RFX3: variants seen among roughly 807,000 people sequenced by gnomAD.
RFX3 encodes the protein transcription factor RFX3.
A neutral mutation model predicts 98.6 loss-of-function variants in RFX3; 14 were observed. That is an observed-to-expected ratio of 0.14 (90% CI 0.09 to 0.22). RFX3 has a LOEUF of 0.22. Ranked by LOEUF, RFX3 falls within the 10% of genes least tolerant of loss-of-function variation. The pLI is 1.00. For synonymous variants in RFX3, 383 were observed against 328.4 expected (o/e 1.17, Z -1.80); for missense variants, 639 against 926.9 (o/e 0.69, Z 4.03).
rs1358363981 is a variant in RFX3, at chr9:3,288,177, T to C, written c.805A>G (p.Met269Val). The part of the protein sequence containing the change: ...DSPLNRLQED[M>V]QYMAMRQQPM... ...TGTTGTCTCATAGCCATATACTGCA[T>C]GTCTTCTTGCAGACGATTAAGAGGG... The change falls in exon 7 of 17, where the codon ATG becomes GTG. Residue 269 changes from methionine to valine, a missense_variant. Physicochemically the swap from Met to Val is conservative, Grantham distance 21. This residue lies in a region of RFX3 where 86 missense variants were observed against 113.2 expected (regional missense o/e 0.76). Coordinates refer to ENST00000617270, the MANE Select transcript of RFX3 (RefSeq NM_001282116.2). 6 of 1,612,264 alleles carry C rather than the reference T, an allele frequency of 3.7e-6. No individual in the cohort carries two copies. The highest frequency in any genetic ancestry group is 2.5e-6 in the Non-Finnish European group (3 of 1,178,458).
intron 1 of RFX3, among the ~76,000 whole-genome samples, chr9:3,450,115 G>A (rs1846441696): frequency 6.6e-6 from 1 of 152,108 alleles, no homozygotes; most frequent in Admixed American, 6.5e-5. Context: ...GTATTTGCCT[G>A]GCAAGGCAGA....
chr9:3,227,866 G>A (rs1817969126), intron 16 of RFX3, among the ~76,000 whole-genome samples: 1 of 152,140 alleles, frequency 6.6e-6, no homozygotes, highest in South Asian at 2.1e-4. Context: ...AGTGTACTGA[G>A]TACCTTAATA....
chr9:3,252,584 T>A (rs912423571), intron 14 of RFX3, among the ~76,000 whole-genome samples: 1 of 151,938 alleles, frequency 6.6e-6, no homozygotes, highest in African/African-American at 2.4e-5. Flanking sequence ...TTTCAAAGAG[T>A]AGCCAGGAGG....
At position 3,271,007 on chromosome 9, in the gene RFX3, A is replaced by G. The variant is rs771902440; in HGVS notation, c.1198T>C (p.Ser400Pro). 1.2e-6 allele frequency: 2 copies of G among 1,613,776 alleles called. No homozygotes were observed. The part of the protein sequence containing the change: ...TPTDGTTITE[S>P]SNLSEIESRL... ...GGAAAAGATGTTGATTCTGACCTCG[A>G]TTCGGTAATGGTAGTGCCATCAGTT... Residue 400 changes from serine (S) to proline (P), a missense_variant, in exon 10 of 17, where the codon TCG becomes CCG. By Grantham distance (74) the Ser-to-Pro change is moderately conservative. Transcript: ENST00000617270.
chr9:3,397,120 CA>C (rs1274700860), intron 1 of RFX3, among the ~76,000 whole-genome samples: 1 of 152,188 alleles, frequency 6.6e-6, no homozygotes. Context: ...CTCTCATTCA[CA>C]ATTAAACATG....
intron 3 of RFX3, among the ~76,000 whole-genome samples, chr9:3,332,427 T>C (rs1832701250): frequency 6.6e-6 from 1 of 152,186 alleles, no homozygotes. Flanking sequence ...GATGTCACTA[T>C]CTTATGTTGC....
At chr9:3,340,978 A>C (rs1020645734) in intron 3 of RFX3, among the ~76,000 whole-genome samples, 7 of 152,216 alleles carry the variant, frequency 4.6e-5, no homozygotes, top group African/African-American at 1.4e-4. Context: ...GGCACTATTC[A>C]CAATAGCAAA....
chr9:3,413,258 T>A (rs750828432), intron 1 of RFX3, among the ~76,000 whole-genome samples: 1 of 152,092 alleles, frequency 6.6e-6, no homozygotes, highest in Non-Finnish European at 1.5e-5. Flanking sequence ...CTGTAATGTA[T>A]ACCAAGTAGA....
chr9:3,465,254 G>A, intron 1 of RFX3, among the ~76,000 whole-genome samples: 1 of 151,716 alleles, frequency 6.6e-6, no homozygotes, highest in East Asian at 1.9e-4. Context: ...AATATCTCGT[G>A]GCAAATATAA....
At chr9:3,398,167 G>A (rs1035955045) in intron 1 of RFX3, among the ~76,000 whole-genome samples, 1 of 152,064 alleles carries the variant, frequency 6.6e-6, no homozygotes, top group Non-Finnish European at 1.5e-5. Flanking sequence ...CCAGCATTAA[G>A]ACCACAGAAA....
chr9:3,273,637 G>A (rs1166305493), intron 9 of RFX3, among the ~76,000 whole-genome samples: 1 of 152,110 alleles, frequency 6.6e-6, no homozygotes, highest in Non-Finnish European at 1.5e-5. Context: ...GCTGAAGCGG[G>A]TGGATCACTT....
intron 4 of RFX3, among the ~76,000 whole-genome samples, chr9:3,321,863 G>C (rs892011367): frequency 2.0e-5 from 3 of 151,946 alleles, no homozygotes; most frequent in African/African-American, 7.3e-5. Context: ...TAAATATTCA[G>C]TTGTTCCAAA....
chr9:3,376,169 A>C (rs1437464242), intron 2 of RFX3, among the ~76,000 whole-genome samples: 1 of 152,220 alleles, frequency 6.6e-6, no homozygotes, highest in African/African-American at 2.4e-5. Flanking sequence ...GGCTAAAATT[A>C]AAAATATTGG....
chr9:3,400,616 T>C (rs1219082304), intron 1 of RFX3, among the ~76,000 whole-genome samples: 1 of 152,226 alleles, frequency 6.6e-6, no homozygotes, highest in Non-Finnish European at 1.5e-5. Context: ...TTTCCTCTGA[T>C]TTTACTATCT....
At chr9:3,374,086 A>G (rs1033135326) in intron 2 of RFX3, among the ~76,000 whole-genome samples, 6 of 139,138 alleles carry the variant, frequency 4.3e-5, no homozygotes, top group South Asian at 2.2e-4. Flanking sequence ...TCACACACAC[A>G]CGCGCGCACA....
At chr9:3,433,414 T>G (rs796323408) in intron 1 of RFX3, among the ~76,000 whole-genome samples, 3 of 152,318 alleles carry the variant, frequency 2.0e-5, no homozygotes, top group African/African-American at 7.2e-5. Context: ...ACGATTTTCT[T>G]GGTAGCATTT....
chr9:3,351,193 C>T (rs1390510779), intron 2 of RFX3, among the ~76,000 whole-genome samples: 3 of 150,940 alleles, frequency 2.0e-5, no homozygotes, highest in South Asian at 2.1e-4. Context: ...ATGTGTGAAG[C>T]GAGGGGTTTT....
chr9:3,306,404 G>T (rs535059918), intron 4 of RFX3, among the ~76,000 whole-genome samples: 1 of 151,804 alleles, frequency 6.6e-6, no homozygotes, highest in Admixed American at 6.6e-5. Flanking sequence ...TGGGAAATTC[G>T]TTAAACTAGC....
chr9:3,238,762 C>T (rs1372066085), intron 15 of RFX3, among the ~76,000 whole-genome samples: 2 of 152,100 alleles, frequency 1.3e-5, no homozygotes, highest in African/African-American at 2.4e-5. Flanking sequence ...CCGAGGCAGG[C>T]GGATCACGTG....
Sources: allele counts gnomAD v4.1 joint callset (sites outside exome capture counted in the v4.1 genomes callset), GRCh38; gene constraint gnomAD v4.1.1; regional missense constraint gnomAD v4.1.1; transcripts MANE v1.5; gene names NCBI Gene and HGNC (gene_info 2026-07-23, HGNC 2026-07-21).